The following SNTA1 variants were observed in gnomAD, a reference collection of about 807,000 sequenced individuals.
The protein encoded by SNTA1 is alpha-1-syntrophin.
A neutral mutation model predicts 47.1 loss-of-function variants in SNTA1; 31 were observed. That is an observed-to-expected ratio of 0.66 (90% CI 0.49 to 0.89). SNTA1 has a LOEUF of 0.89. Ranked by LOEUF, SNTA1 falls within the 40% of genes least tolerant of loss-of-function variation. The probability of loss-of-function intolerance (pLI) is 0.00; values close to 1 mark genes in which losing one functional copy is unlikely to be tolerated. For synonymous variants in SNTA1, 300 were observed against 313.6 expected, an observed-to-expected ratio of 0.96 and a Z score of 0.46; for missense variants, 575 against 693.0, an observed-to-expected ratio of 0.83 and a Z score of 1.91.
At chr20:33,441,799 C>G (rs1174346127) in intron 1 of SNTA1, among the ~76,000 whole-genome samples, 1 of 152,158 alleles carries the variant, frequency 6.6e-6, no homozygotes, top group African/African-American at 2.4e-5. Flanking sequence ...GTGTGTCCAT[C>G]TGCAGAATGG....
At chr20:33,422,438 C>CATAAAA (rs1555818919) in intron 2 of SNTA1, among the ~76,000 whole-genome samples, 9 of 131,382 alleles carry the variant, frequency 6.9e-5, no homozygotes, top group African/African-American at 2.5e-4. Flanking sequence ...GACTCTGTCT[C>CATAAAA]AAAAAAAAAA....
intron 1 of SNTA1, among the ~76,000 whole-genome samples, chr20:33,439,816 C>T (rs1479717875): frequency 6.6e-6 from 1 of 152,048 alleles, no homozygotes; most frequent in Non-Finnish European, 1.5e-5. Flanking sequence ...GAAATCCTGC[C>T]TCTACTAAAA....
intron 1 of SNTA1, 23 bp downstream of exon 1, chr20:33,443,288 C>T (rs1990624023): frequency 1.3e-6 from 2 of 1,496,630 alleles, no homozygotes; most frequent in South Asian, 1.2e-5. Flanking sequence ...CACGACCCCG[C>T]GCCCTCGGTG....
At chr20:33,414,990 C>A (rs1989838689) in intron 3 of SNTA1, among the ~76,000 whole-genome samples, 1 of 152,168 alleles carries the variant, frequency 6.6e-6, no homozygotes, top group Non-Finnish European at 1.5e-5. Context: ...AAGCAGTTTT[C>A]ATTATATTTT....
intron 2 of SNTA1, among the ~76,000 whole-genome samples, chr20:33,431,938 G>A (rs1990318172): frequency 6.6e-6 from 1 of 152,172 alleles, no homozygotes; most frequent in South Asian, 2.1e-4. Flanking sequence ...AGGCCCACAA[G>A]ACATTTTAAT....
chr20:33,442,992 G>C (rs1990614378), intron 1 of SNTA1, among the ~76,000 whole-genome samples: 1 of 151,874 alleles, frequency 6.6e-6, no homozygotes, highest in South Asian at 2.1e-4. Context: ...TGCTTTCCGG[G>C]GGACCCCTCT....
Position 33,429,400 on chromosome 20 carries a change from C to T in SNTA1, c.496+9441G>A, listed in dbSNP as rs149230010. On this transcript the variant is annotated intron_variant, in intron 2 of 7. Transcript: ENST00000217381. Reference sequence around the variant, plus strand: ...GGCATAGTGGCTCATGCCTGTAATCCTAGCACTTTGGGAGTCCGAGGCAGG... The same window carrying T: ...GGCATAGTGGCTCATGCCTGTAATCTTAGCACTTTGGGAGTCCGAGGCAGG... 7.5e-3 allele frequency among the ~76,000 whole-genome samples: 1,040 copies of T among 139,400 alleles called. 9 individuals carry two copies. Among genetic ancestry groups the T allele is most frequent in the African/African-American group, 0.026 (984 of 37,218 alleles). 91.5% of individuals were successfully genotyped at this position (139,400 alleles called of 152,430 possible). A position where few individuals can be genotyped will look rare whatever the true frequency, so the allele number is the denominator to read the frequency against.
intron 5 of SNTA1, 42 bp from the exon 6 acceptor site, chr20:33,410,373 C>T (rs779064075): frequency 6.5e-6 from 9 of 1,374,428 alleles, no homozygotes; most frequent in South Asian, 6.1e-5. Flanking sequence ...GGCCTCAGGC[C>T]GGAGGCAAAT....
At chr20:33,443,267 C>A in intron 1 of SNTA1, 44 bp downstream of exon 1, 4 of 1,442,036 alleles carry the variant, frequency 2.8e-6, no homozygotes, top group Non-Finnish European at 3.7e-6. Flanking sequence ...CCCTCGGCTG[C>A]CCCCAGACAC....
chr20:33,410,107 G>A (rs763179252), intron 6 of SNTA1, 28 bp downstream of exon 6: 1 of 1,612,594 alleles, frequency 6.2e-7, no homozygotes, highest in East Asian at 2.2e-5. Context: ...TATTACCAGA[G>A]GGACACTCCC....
rs148175666 is a variant in SNTA1, at chr20:33,425,615, T to C, written c.497-7692A>G. On this transcript the variant is annotated intron_variant, in intron 2 of 7. Coordinates refer to ENST00000217381, the MANE Select transcript of SNTA1 (RefSeq NM_003098.3). ...AGGCAGAGGTTGCAGTGAGCCATGA[T>C]TGTGCCACAGCACTCCAGCCTGGGC... Among the ~76,000 whole-genome samples the C allele has an allele frequency of 7.2e-5, 11 of 152,230 alleles. No homozygotes were observed. In the East Asian group the frequency reaches 1.5e-3, roughly 21 times the overall value.
intron 2 of SNTA1, among the ~76,000 whole-genome samples, chr20:33,426,041 A>G (rs1990161780): frequency 6.6e-6 from 1 of 151,498 alleles, no homozygotes; most frequent in East Asian, 1.9e-4. Flanking sequence ...GTACCATGGC[A>G]CTCCAGCCTG....
At chr20:33,433,950 T>A (rs754802631) in intron 2 of SNTA1, among the ~76,000 whole-genome samples, 3 of 152,000 alleles carry the variant, frequency 2.0e-5, no homozygotes, top group Non-Finnish European at 4.4e-5. Context: ...ACACCTGGAG[T>A]TTGCTGGTAA....
intron 2 of SNTA1, 53 bp from the exon 3 acceptor site, chr20:33,417,976 T>C (rs1386487743): frequency 4.2e-6 from 5 of 1,177,126 alleles, no homozygotes; most frequent in Non-Finnish European, 6.4e-6. Flanking sequence ...TCCCAGCACA[T>C]ATCACAATTG....
At chr20:33,439,058 G>T (rs758518947) in intron 1 of SNTA1, 32 bp from the exon 2 acceptor site, 3 of 1,589,406 alleles carry the variant, frequency 1.9e-6, no homozygotes, top group Middle Eastern at 1.7e-4. Flanking sequence ...ACAAGACTTA[G>T]GCAGATACTC....
At chr20:33,408,650 G>A (rs764663503) in intron 7 of SNTA1, 51 bp from the exon 8 acceptor site, 11 of 1,610,170 alleles carry the variant, frequency 6.8e-6, no homozygotes, top group East Asian at 2.2e-5. Context: ...CCTGGCCTCC[G>A]AGAGTGCACA....
At chr20:33,443,222 G>A (rs1159903425) in intron 1 of SNTA1, 89 bp downstream of exon 1, 4 of 1,069,150 alleles carry the variant, frequency 3.7e-6, no homozygotes, top group Admixed American at 2.9e-5. Flanking sequence ...GAAGCCTCCA[G>A]CTCCATGTCC....
chr20:33,443,036 C>T (rs1990615531), intron 1 of SNTA1, among the ~76,000 whole-genome samples: 1 of 151,578 alleles, frequency 6.6e-6, no homozygotes, highest in South Asian at 2.1e-4. Flanking sequence ...ACCCCTCAGA[C>T]CCCCCCGCCT....
chr20:33,419,580 A>G (rs566559615), intron 2 of SNTA1, among the ~76,000 whole-genome samples: 9 of 152,220 alleles, frequency 5.9e-5, no homozygotes, highest in South Asian at 4.2e-4. Context: ...GCAACGACTT[A>G]CCCCAGGACT....
Sources: gnomAD v4.1 joint callset for allele counts (sites outside exome capture counted in the v4.1 genomes callset) on GRCh38, gnomAD v4.1.1 for gene constraint, MANE v1.5 for transcripts, NCBI Gene and HGNC (gene_info 2026-07-23, HGNC 2026-07-21) for gene names.